The following SERINC5 variants were observed in gnomAD, a reference collection of about 807,000 sequenced individuals.
SERINC5 encodes chromosome 5 open reading frame 12.
SERINC5 carries 41 observed loss-of-function variants against 63.1 expected under a neutral mutation model. The observed-to-expected ratio is 0.65, with a 90% CI of 0.51 to 0.84. The LOEUF is 0.84. Among genes scored for constraint, SERINC5 ranks in the 40% least tolerant of loss-of-function variants. The probability of loss-of-function intolerance (pLI) is 0.00; values close to 1 mark genes in which losing one functional copy is unlikely to be tolerated. For missense variants in SERINC5, 523 were observed against 573.0 expected, an observed-to-expected ratio of 0.91 and a Z score of 0.89; for synonymous variants, 222 against 215.2, an observed-to-expected ratio of 1.03 and a Z score of -0.28.
chr5:80,152,921 G>A (rs1746278216), intron 8 of SERINC5, among the ~76,000 whole-genome samples: 1 of 152,138 alleles, frequency 6.6e-6, no homozygotes, highest in Non-Finnish European at 1.5e-5. Flanking sequence ...TAGCCTGGGC[G>A]AGAAAGTGAG....
At chr5:80,115,760 T>C (rs1468967946) in intron 11 of SERINC5, among the ~76,000 whole-genome samples, 1 of 152,062 alleles carries the variant, frequency 6.6e-6, no homozygotes, top group Non-Finnish European at 1.5e-5. Flanking sequence ...CAATCCCAGT[T>C]GCATCTCTGA....
At chr5:80,133,104 C>T (rs1745012823) in intron 11 of SERINC5, among the ~76,000 whole-genome samples, 1 of 152,156 alleles carries the variant, frequency 6.6e-6, no homozygotes, top group Non-Finnish European at 1.5e-5. Flanking sequence ...CCTCTCCCTA[C>T]CTGCTCCTCT....
At chr5:80,228,962 T>G (rs1751294631) in intron 1 of SERINC5, among the ~76,000 whole-genome samples, 1 of 148,788 alleles carries the variant, frequency 6.7e-6, no homozygotes, top group South Asian at 2.1e-4. Flanking sequence ...TTACAACAAA[T>G]TTAGTGATAA....
downstream of SERINC5, chr5:80,111,634 G>C (rs377534377): frequency 6.6e-6 from 1 of 152,214 alleles, no homozygotes; most frequent in East Asian, 1.9e-4. Context: ...CTTGAGGAAG[G>C]GGGTGGGTAA....
chr5:80,142,341 C>CT lies in SERINC5; in HGVS notation c.*1321dup, dbSNP rs1745559876. 4.3e-6 allele frequency: 4 copies of CT among 930,898 alleles called. No individual in the cohort carries two copies. Among genetic ancestry groups the CT allele is most frequent in the Non-Finnish European group, 5.1e-6 (4 of 780,396 alleles). The allele number at this position is 930,898 out of a possible 1,614,324, so 57.7% of individuals were successfully genotyped here. On this transcript the variant is annotated 3_prime_UTR_variant, in exon 12 of 12. Coordinates refer to ENST00000507668, the MANE Select transcript of SERINC5 (RefSeq NM_001174072.3). ...CTCCGCCTCCCGGGTTCAAGTGATT[C>CT]TCATGCCTCAGCCTTCGAGTAGCTG... is the stretch of plus-strand genomic sequence containing the variant.
intron 2 of SERINC5, among the ~76,000 whole-genome samples, chr5:80,190,936 A>C (rs1414473214): frequency 8.2e-6 from 1 of 122,442 alleles, no homozygotes; most frequent in African/African-American, 3.2e-5. Flanking sequence ...CATTTTCTCC[A>C]ACCCCACTTC....
chr5:80,210,019 T>C (rs796542313), intron 1 of SERINC5, among the ~76,000 whole-genome samples: 9 of 150,988 alleles, frequency 6.0e-5, no homozygotes, highest in South Asian at 2.1e-4. Flanking sequence ...GATTGCACCA[T>C]TGCACTCTGG....
chr5:80,114,491 TA>T, intron 11 of SERINC5: 1 of 199,086 alleles, frequency 5.0e-6, no homozygotes. Context: ...CCATCACCAC[TA>T]AAAATACAAA....
At position 80,142,598 on chromosome 5, in the gene SERINC5, C is replaced by T; in HGVS notation, c.*1065G>A. ...AGAAATTCTCACATTAGCAAACCTA[C>T]TCCAAGGATGCCAGCATGAACCTGA... On this transcript the variant is annotated 3_prime_UTR_variant, in exon 12 of 12. Coordinates refer to ENST00000507668, the MANE Select transcript of SERINC5 (RefSeq NM_001174072.3). 1 of 985,424 alleles carries T rather than the reference C, an allele frequency of 1.0e-6. No homozygotes were observed. The highest frequency in any genetic ancestry group is 1.2e-6 in the Non-Finnish European group (1 of 829,930). 61.0% of individuals were successfully genotyped at this position (985,424 alleles called of 1,614,324 possible).
At chr5:80,135,218 G>A (rs769224252), downstream of SERINC5, among the ~76,000 whole-genome samples, 5 of 152,172 alleles carry the variant, frequency 3.3e-5, no homozygotes, top group Admixed American at 6.5e-5. Flanking sequence ...ATTTTTTGTA[G>A]AGACGGGGTT....
intron 1 of SERINC5, among the ~76,000 whole-genome samples, chr5:80,222,070 C>T (rs1750927749): frequency 1.3e-5 from 2 of 152,024 alleles, no homozygotes; most frequent in Admixed American, 6.6e-5. Flanking sequence ...ATCACTTAAA[C>T]GCAGGAGGTG....
intron 1 of SERINC5, among the ~76,000 whole-genome samples, chr5:80,220,762 A>AG (rs1330220817): frequency 2.6e-5 from 4 of 151,742 alleles, no homozygotes; most frequent in Non-Finnish European, 4.4e-5. Flanking sequence ...TGAAGTGGGG[A>AG]GGGGGGCAAT....
At chr5:80,249,362 A>C (rs115816212) in intron 1 of SERINC5, among the ~76,000 whole-genome samples, 14 of 152,248 alleles carry the variant, frequency 9.2e-5, no homozygotes, top group African/African-American at 3.4e-4. Flanking sequence ...GACTATCTAC[A>C]TATGAATGTA....
At chr5:80,203,257 C>CATAA (rs1554067831) in intron 1 of SERINC5, 1 of 255,246 alleles carries the variant, frequency 3.9e-6, no homozygotes, top group Non-Finnish European at 7.6e-6. Flanking sequence ...TATATATACA[C>CATAA]ATATATATAT....
At chr5:80,117,637 C>T (rs1048374129) in intron 11 of SERINC5, among the ~76,000 whole-genome samples, 23 of 86,732 alleles carry the variant, frequency 2.7e-4, no homozygotes, top group African/African-American at 1.1e-3. Context: ...CTTCCTGTGG[C>T]TACTGAAAAA....
intron 1 of SERINC5, among the ~76,000 whole-genome samples, chr5:80,207,221 A>G (rs1172485093): frequency 6.6e-6 from 1 of 152,078 alleles, no homozygotes; most frequent in East Asian, 1.9e-4. Flanking sequence ...GATGGTCTCA[A>G]TCTCCTGACC....
intron 1 of SERINC5, among the ~76,000 whole-genome samples, chr5:80,206,997 A>C (rs545175567): frequency 6.9e-6 from 1 of 144,830 alleles, no homozygotes; most frequent in Admixed American, 6.8e-5. Context: ...ACTTCTCACT[A>C]TATATATATA....
chr5:80,126,176 C>A (rs1368114661), intron 11 of SERINC5, among the ~76,000 whole-genome samples: 1 of 152,090 alleles, frequency 6.6e-6, no homozygotes, highest in Non-Finnish European at 1.5e-5. Flanking sequence ...GTCTTGACCA[C>A]CAAGTAGAAT....
downstream of SERINC5, among the ~76,000 whole-genome samples, chr5:80,137,150 AAAAAAAAAAAAAAC>A (rs1483646311): frequency 1.2e-3 from 152 of 126,356 alleles, 2 homozygotes; most frequent in African/African-American, 4.4e-3. Context: ...AAAAAAAAAA[AAAAAAAAAAAAAAC>A]AAAAAAAACA....
Sources: gnomAD v4.1 joint callset for allele counts (sites outside exome capture counted in the v4.1 genomes callset) on GRCh38, gnomAD v4.1.1 for gene constraint, MANE v1.5 for transcripts, NCBI Gene and HGNC (gene_info 2026-07-23, HGNC 2026-07-21) for gene names.